DAB1: variants seen among roughly 807,000 people sequenced by gnomAD.
The protein encoded by DAB1 is DAB adaptor protein 1, also known as disabled homolog 1.
In DAB1, 15 loss-of-function variants were observed where a neutral mutation model predicts 64.6. The ratio of observed to expected loss-of-function variants is 0.23; its 90% CI spans 0.16 to 0.36. The LOEUF is 0.36. DAB1 is among the 10% of genes least tolerant of loss of function. The pLI is 1.00. For synonymous variants in DAB1, 235 were observed against 251.9 expected (o/e 0.93, Z 0.64); for missense variants, 596 against 706.7 (o/e 0.84, Z 1.78).
At chr1:58,441,726 G>A (rs1645010437) in intron 3 of DAB1, among the ~76,000 whole-genome samples, 1 of 152,204 alleles carries the variant, frequency 6.6e-6, no homozygotes, top group Non-Finnish European at 1.5e-5. Flanking sequence ...GTCAGTGGGT[G>A]TCTCTGGCTT....
chr1:57,486,689 A>G (rs894634250), intron 7 of DAB1, among the ~76,000 whole-genome samples: 5 of 152,164 alleles, frequency 3.3e-5, no homozygotes, highest in Non-Finnish European at 7.3e-5. Flanking sequence ...AAATGATGGT[A>G]AAACCCTCAG....
chr1:57,333,538 C>T (rs1483334936), intron 1 of DAB1, among the ~76,000 whole-genome samples: 1 of 152,220 alleles, frequency 6.6e-6, no homozygotes, highest in African/African-American at 2.4e-5. Context: ...CTTGCAATAG[C>T]ACAGTGCTAG....
intron 2 of DAB1, among the ~76,000 whole-genome samples, chr1:57,245,364 G>A (rs1015231938): frequency 6.6e-6 from 1 of 152,116 alleles, no homozygotes; most frequent in South Asian, 2.1e-4. Context: ...CATGTGCATT[G>A]TTGGCTTGCT....
At chr1:58,484,032 C>T (rs1323923356) in intron 3 of DAB1, among the ~76,000 whole-genome samples, 1 of 152,154 alleles carries the variant, frequency 6.6e-6, no homozygotes, top group Admixed American at 6.5e-5. Context: ...GATGCCATCC[C>T]CTAAGATCTT....
At chr1:57,458,935 T>C (rs145563793) in intron 7 of DAB1, among the ~76,000 whole-genome samples, 3 of 152,244 alleles carry the variant, frequency 2.0e-5, no homozygotes, top group Non-Finnish European at 4.4e-5. Flanking sequence ...TCTTTCTTTA[T>C]AGTTATTTTG....
intron 1 of DAB1, among the ~76,000 whole-genome samples, chr1:57,405,369 T>G (rs1334770311): frequency 6.6e-6 from 1 of 152,180 alleles, no homozygotes; most frequent in Non-Finnish European, 1.5e-5. Context: ...ACTTTTTCCT[T>G]TACCGGAAAT....
intron 3 of DAB1, among the ~76,000 whole-genome samples, chr1:58,372,918 TA>T (rs1557742335): frequency 6.6e-6 from 1 of 152,150 alleles, no homozygotes; most frequent in East Asian, 1.9e-4. Context: ...CTTTTCTTTA[TA>T]AATTATCCAG....
intron 2 of DAB1, among the ~76,000 whole-genome samples, chr1:57,267,817 C>T (rs1670702100): frequency 6.6e-6 from 1 of 152,134 alleles, no homozygotes; most frequent in Non-Finnish European, 1.5e-5. Flanking sequence ...ATAACAAGAA[C>T]CAAACCCCAA....
intron 7 of DAB1, among the ~76,000 whole-genome samples, chr1:57,636,778 G>A (rs1646062325): frequency 2.0e-5 from 3 of 152,136 alleles, no homozygotes; most frequent in South Asian, 2.1e-4. Flanking sequence ...GCAGATAATC[G>A]AGAGTTTAGT....
chr1:58,077,563 T>C (rs536632273), intron 5 of DAB1, among the ~76,000 whole-genome samples: 170 of 152,342 alleles, frequency 1.1e-3, no homozygotes, highest in Non-Finnish European at 1.9e-3. Context: ...GACAATCTTA[T>C]GTAATTCCAA....
intron 3 of DAB1, among the ~76,000 whole-genome samples, chr1:58,495,254 C>T (rs1196640026): frequency 6.6e-6 from 1 of 152,120 alleles, no homozygotes; most frequent in African/African-American, 2.4e-5. Flanking sequence ...GAACATCACA[C>T]ACAGGGGTCT....
At chr1:57,526,936 G>C (rs902427856) in intron 7 of DAB1, among the ~76,000 whole-genome samples, 3 of 152,012 alleles carry the variant, frequency 2.0e-5, no homozygotes, top group Non-Finnish European at 4.4e-5. Context: ...TAATACACAT[G>C]ATACTCTCAA....
intron 6 of DAB1, among the ~76,000 whole-genome samples, chr1:57,653,487 C>A (rs918821342): frequency 2.0e-5 from 3 of 152,108 alleles, no homozygotes; most frequent in Non-Finnish European, 4.4e-5. Flanking sequence ...CATATTTGGG[C>A]AGTTTCCAAA....
intron 3 of DAB1, among the ~76,000 whole-genome samples, chr1:58,455,177 A>G (rs1645181464): frequency 6.6e-6 from 1 of 152,146 alleles, no homozygotes; most frequent in Non-Finnish European, 1.5e-5. Context: ...TGGGAGGGGG[A>G]AGGAAAGGCA....
At chr1:58,016,674 T>C (rs1485166285) in intron 5 of DAB1, among the ~76,000 whole-genome samples, 1 of 152,112 alleles carries the variant, frequency 6.6e-6, no homozygotes, top group Non-Finnish European at 1.5e-5. Context: ...TGAACGACCT[T>C]AATTGCCTCT....
At chr1:57,617,350 C>T (rs1156940713) in intron 7 of DAB1, among the ~76,000 whole-genome samples, 1 of 152,098 alleles carries the variant, frequency 6.6e-6, no homozygotes, top group African/African-American at 2.4e-5. Flanking sequence ...CCAGCTGAGA[C>T]CACATCCTTG....
At chr1:57,835,995 C>T (rs1018554872) in intron 1 of DAB1, among the ~76,000 whole-genome samples, 3 of 152,306 alleles carry the variant, frequency 2.0e-5, no homozygotes, top group African/African-American at 2.4e-5. Flanking sequence ...GGTATCAGAA[C>T]TCCTTGCCTT....
chr1:58,065,972 C>A (rs1312590164), intron 5 of DAB1, among the ~76,000 whole-genome samples: 1 of 152,222 alleles, frequency 6.6e-6, no homozygotes, highest in Non-Finnish European at 1.5e-5. Context: ...TTAGCAAGTG[C>A]AAGCTGTCTG....
chr1:57,707,764 T>C (rs1312896543), intron 6 of DAB1, among the ~76,000 whole-genome samples: 4 of 152,208 alleles, frequency 2.6e-5, no homozygotes, highest in Non-Finnish European at 4.4e-5. Flanking sequence ...GAGGGCTTTC[T>C]ATGAATTCAA....
Sources: gnomAD v4.1 joint callset for allele counts (sites outside exome capture counted in the v4.1 genomes callset) on GRCh38, gnomAD v4.1.1 for gene constraint, MANE v1.5 for transcripts, NCBI Gene and HGNC (gene_info 2026-07-23, HGNC 2026-07-21) for gene names.